KLF12: variants seen among roughly 807,000 people sequenced by gnomAD.
The protein encoded by KLF12 is KLF transcription factor 12, also known as Krueppel-like factor 12.
KLF12 carries 9 observed loss-of-function variants against 37.8 expected under a neutral mutation model. That is an observed-to-expected ratio of 0.24 (90% confidence interval 0.14 to 0.42). KLF12 has a LOEUF of 0.42. KLF12 is among the 10% of genes least tolerant of loss of function. The pLI is 1.00. For missense variants in KLF12, 411 were observed against 516.0 expected, an observed-to-expected ratio of 0.80 and a Z score of 1.97; for synonymous variants, 208 against 202.1, an observed-to-expected ratio of 1.03 and a Z score of -0.25.
chr13:73,860,936 C>T lies in KLF12; in HGVS notation c.124-14563G>A, dbSNP rs1003929516. Among the ~76,000 whole-genome samples the T allele has an allele frequency of 3.9e-5, 6 of 152,094 alleles. 1 individual carries two copies. The South Asian group carries it at 1.0e-3, about 26-fold the overall frequency. On this transcript the variant is annotated intron_variant, in intron 3 of 7. Coordinates refer to ENST00000377669, the MANE Select transcript of KLF12 (RefSeq NM_007249.5). ...TCCATGTATTACAAGATGATTTTTACAAGAAGAGATGAAAGACACACTTCC... is the reference window on the plus strand; with the variant it reads ...TCCATGTATTACAAGATGATTTTTATAAGAAGAGATGAAAGACACACTTCC...
the KLF12 span, among the ~76,000 whole-genome samples, chr13:74,230,436 C>T: frequency 0.26 from 40,028 of 152,044 alleles, 7,897 homozygotes; most frequent in African/African-American, 0.56. Context: ...GAAGATTAAG[C>T]ATGGCAGACA....
chr13:73,928,006 C>T (rs767501266), intron 3 of KLF12, among the ~76,000 whole-genome samples: 2 of 151,986 alleles, frequency 1.3e-5, no homozygotes, highest in Non-Finnish European at 2.9e-5. Context: ...TACAGGCACA[C>T]ACCACCACAC....
chr13:73,702,013 A>T (rs1016439292), intron 7 of KLF12, among the ~76,000 whole-genome samples: 2 of 151,322 alleles, frequency 1.3e-5, no homozygotes, highest in Non-Finnish European at 2.9e-5. Flanking sequence ...AAGACGACAT[A>T]CCACACACAC....
intron 1 of KLF12, among the ~76,000 whole-genome samples, chr13:74,124,320 G>C (rs1323991869): frequency 6.6e-6 from 1 of 152,090 alleles, no homozygotes; most frequent in African/African-American, 2.4e-5. Context: ...ATCCCTTCAA[G>C]CAACACTTCT....
intron 1 of KLF12, among the ~76,000 whole-genome samples, chr13:74,109,964 A>G (rs1040717101): frequency 2.6e-5 from 4 of 152,186 alleles, no homozygotes; most frequent in African/African-American, 9.7e-5. Flanking sequence ...CATAGCTAAG[A>G]CTTTTGGGGA....
intron 1 of KLF12, among the ~76,000 whole-genome samples, chr13:74,047,435 C>CAAAA (rs11378919): frequency 1.4e-5 from 2 of 146,202 alleles, no homozygotes; most frequent in Admixed American, 1.4e-4. Flanking sequence ...ACTAAAAATA[C>CAAAA]AAAAAAAAAA....
At chr13:74,252,596 A>C in the KLF12 span, among the ~76,000 whole-genome samples, 1 of 152,234 alleles carries the variant, frequency 6.6e-6, no homozygotes, top group Non-Finnish European at 1.5e-5. Context: ...CATAATTCTA[A>C]GAGATTTAAC....
intron 5 of KLF12, among the ~76,000 whole-genome samples, chr13:73,806,649 C>CAAAAAAAAAAA (rs11482328): frequency 3.7e-5 from 4 of 108,306 alleles, no homozygotes; most frequent in Admixed American, 9.7e-5. Context: ...AAAAAACAAA[C>CAAAAAAAAAAA]AAAAAAAAAA....
the KLF12 span, among the ~76,000 whole-genome samples, chr13:74,148,234 C>G: frequency 6.6e-6 from 1 of 151,904 alleles, no homozygotes; most frequent in African/African-American, 2.4e-5. Context: ...ACTTTTGCAT[C>G]ACTAGTTTTT....
chr13:73,755,823 C>T (rs1419319288), intron 6 of KLF12, among the ~76,000 whole-genome samples: 1 of 152,032 alleles, frequency 6.6e-6, no homozygotes, highest in African/African-American at 2.4e-5. Flanking sequence ...CATAGCTTAG[C>T]TGCCACTTAT....
chr13:74,159,581 T>C, the KLF12 span, among the ~76,000 whole-genome samples: 1 of 152,186 alleles, frequency 6.6e-6, no homozygotes, highest in African/African-American at 2.4e-5. Flanking sequence ...CTGAGAAATA[T>C]TTTTGTCTGT....
chr13:73,972,536 A>T (rs935749879), intron 2 of KLF12, among the ~76,000 whole-genome samples: 2 of 150,758 alleles, frequency 1.3e-5, no homozygotes, highest in African/African-American at 4.9e-5. Flanking sequence ...AAATGTCATA[A>T]GCTGGATGTG....
At chr13:73,870,537 A>G (rs1157360144) in intron 3 of KLF12, among the ~76,000 whole-genome samples, 4 of 152,212 alleles carry the variant, frequency 2.6e-5, no homozygotes, top group Non-Finnish European at 5.9e-5. Context: ...TGCCAGACGG[A>G]TGTGCATGTG....
intron 5 of KLF12, among the ~76,000 whole-genome samples, chr13:73,784,630 CCT>C (rs1881198137): frequency 1.4e-5 from 2 of 147,708 alleles, no homozygotes; most frequent in African/African-American, 2.5e-5. Flanking sequence ...TTCCTCATCT[CCT>C]TTTTTTTTTT....
the KLF12 span, among the ~76,000 whole-genome samples, chr13:74,293,287 A>G: frequency 4.6e-5 from 7 of 152,168 alleles, no homozygotes; most frequent in Admixed American, 4.6e-4. Flanking sequence ...GAAGATTTTT[A>G]GCTGGTGTAC....
chr13:73,888,391 T>C (rs1454424249), intron 3 of KLF12, among the ~76,000 whole-genome samples: 1 of 152,218 alleles, frequency 6.6e-6, no homozygotes, highest in African/African-American at 2.4e-5. Flanking sequence ...ATAGTCCAGC[T>C]AAGTCATTAA....
chr13:73,728,158 G>A (rs1185026415), intron 6 of KLF12, among the ~76,000 whole-genome samples: 7 of 152,242 alleles, frequency 4.6e-5, no homozygotes, highest in South Asian at 2.1e-4. Flanking sequence ...AGTTTTCAAC[G>A]TTCAAGCCTT....
At chr13:74,238,161 T>C in the KLF12 span, among the ~76,000 whole-genome samples, 1 of 132,416 alleles carries the variant, frequency 7.6e-6, no homozygotes, top group Non-Finnish European at 1.5e-5. Flanking sequence ...GGTTGTTGAA[T>C]TTTGTCAAAA....
chr13:73,912,266 T>A (rs901084890), intron 3 of KLF12, among the ~76,000 whole-genome samples: 1 of 152,074 alleles, frequency 6.6e-6, no homozygotes, highest in Non-Finnish European at 1.5e-5. Context: ...TTTAAGCAAC[T>A]CCCAGGGAAA....
Sources: gnomAD v4.1 joint callset for allele counts (sites outside exome capture counted in the v4.1 genomes callset) on GRCh38, gnomAD v4.1.1 for gene constraint, MANE v1.5 for transcripts, NCBI Gene and HGNC (gene_info 2026-07-23, HGNC 2026-07-21) for gene names.